The following RTN4 variants were observed in gnomAD, a reference collection of about 807,000 sequenced individuals.
The protein encoded by RTN4 is reticulon 4.
In RTN4, 32 loss-of-function variants were observed where a neutral mutation model predicts 90.4. That is an observed-to-expected ratio of 0.35 (90% CI 0.27 to 0.48). The LOEUF (loss-of-function observed/expected upper bound fraction) is 0.48, where lower values mean the gene tolerates loss of function less well. Ranked by LOEUF, RTN4 falls within the 20% of genes least tolerant of loss-of-function variation. The pLI is 0.99. For missense variants in RTN4, 1,706 were observed against 1,430.2 expected (o/e 1.19, Z -3.11); for synonymous variants, 629 against 552.5 (o/e 1.14, Z -1.94).
the RTN4 span, among the ~76,000 whole-genome samples, chr2:55,128,873 G>A: frequency 2.0e-5 from 3 of 151,968 alleles, no homozygotes; most frequent in East Asian, 1.9e-4. Flanking sequence ...TTGGAAGGCC[G>A]AGATGGGTGG....
chr2:55,023,988 G>A (rs184740129), intron 3 of RTN4, among the ~76,000 whole-genome samples: 178 of 152,226 alleles, frequency 1.2e-3, no homozygotes, highest in African/African-American at 4.2e-3. Flanking sequence ...GACACATACA[G>A]CCAAGATCTC....
chr2:55,076,843 G>A (rs370115349), intron 2 of RTN4, among the ~76,000 whole-genome samples: 16 of 152,028 alleles, frequency 1.1e-4, no homozygotes, highest in South Asian at 4.2e-4. Flanking sequence ...TTTTAAAAGG[G>A]GCTTTTCTCC....
At chr2:55,004,134 G>T (rs2104760858) in intron 3 of RTN4, among the ~76,000 whole-genome samples, 1 of 152,266 alleles carries the variant, frequency 6.6e-6, no homozygotes. Context: ...GACAATACCT[G>T]TACTAAATGA....
At chr2:55,000,647 C>T (rs1426586696) in intron 3 of RTN4, among the ~76,000 whole-genome samples, 1 of 152,100 alleles carries the variant, frequency 6.6e-6, no homozygotes, top group Non-Finnish European at 1.5e-5. Context: ...TGTATTTGTA[C>T]ATTTGTAATG....
chr2:55,075,761 G>A (rs1012416910), intron 2 of RTN4, among the ~76,000 whole-genome samples: 3 of 152,290 alleles, frequency 2.0e-5, no homozygotes, highest in African/African-American at 7.2e-5. Context: ...CAATGGAACA[G>A]AATGGAGAAC....
At chr2:55,128,904 C>T in the RTN4 span, among the ~76,000 whole-genome samples, 2 of 151,418 alleles carry the variant, frequency 1.3e-5, no homozygotes, top group East Asian at 3.9e-4. Context: ...GTCAGGAGTT[C>T]GAGACCAGCC....
chr2:55,049,476 G>T (rs1244095340), intron 1 of RTN4: 3 of 497,768 alleles, frequency 6.0e-6, no homozygotes, highest in Non-Finnish European at 1.1e-5. Context: ...GAATCCGTAC[G>T]CTGGGCATCA....
chr2:55,107,571 T>C (rs1667965861), intron 1 of RTN4, among the ~76,000 whole-genome samples: 1 of 151,944 alleles, frequency 6.6e-6, no homozygotes, highest in Non-Finnish European at 1.5e-5. Context: ...TGGCTAGGAA[T>C]CCAAAGAAGC....
At chr2:54,983,321 T>TAATAAATA (rs142672156) in intron 4 of RTN4, among the ~76,000 whole-genome samples, 4,587 of 148,192 alleles carry the variant, frequency 0.031, 175 homozygotes, top group African/African-American at 0.091. Context: ...ATTGTATTGG[T>TAATAAATA]AATAAATAAA....
chr2:55,103,947 G>A (rs1448867949), intron 1 of RTN4, among the ~76,000 whole-genome samples: 3 of 151,878 alleles, frequency 2.0e-5, no homozygotes, highest in Non-Finnish European at 4.4e-5. Flanking sequence ...CACCAACCTC[G>A]GCCTCCCGAA....
intron 3 of RTN4, among the ~76,000 whole-genome samples, chr2:55,013,306 T>A (rs1408162222): frequency 6.6e-6 from 1 of 152,084 alleles, no homozygotes; most frequent in Non-Finnish European, 1.5e-5. Context: ...TTCCCACTCC[T>A]CAATGTCCAT....
chr2:55,120,723 G>A, the RTN4 span, among the ~76,000 whole-genome samples: 2 of 152,094 alleles, frequency 1.3e-5, no homozygotes, highest in African/African-American at 2.4e-5. Flanking sequence ...TTAGAGCAAC[G>A]GGGAAGGAGA....
intron 3 of RTN4, among the ~76,000 whole-genome samples, chr2:55,017,878 A>G (rs768309984): frequency 6.6e-6 from 1 of 152,202 alleles, no homozygotes; most frequent in East Asian, 1.9e-4. Flanking sequence ...CACAACAGAT[A>G]TATGATAAAA....
the RTN4 span, among the ~76,000 whole-genome samples, chr2:55,125,618 T>G: frequency 6.6e-6 from 1 of 151,864 alleles, no homozygotes; most frequent in Non-Finnish European, 1.5e-5. Flanking sequence ...ATACAAAAAT[T>G]AGGTGGGCAC....
intron 2 of RTN4, among the ~76,000 whole-genome samples, chr2:55,057,595 A>G (rs1449814792): frequency 1.3e-5 from 2 of 152,224 alleles, no homozygotes; most frequent in African/African-American, 4.8e-5. Context: ...TTAAGACTTG[A>G]TAAGTCACTC....
upstream of RTN4, among the ~76,000 whole-genome samples, chr2:55,053,174 G>A (rs974989554): frequency 6.6e-6 from 1 of 152,130 alleles, no homozygotes. Context: ...TAAAGAGTTT[G>A]CCCAGCTTTC....
intron 1 of RTN4, among the ~76,000 whole-genome samples, chr2:55,098,785 AT>A (rs1667797907): frequency 6.6e-6 from 1 of 152,046 alleles, no homozygotes; most frequent in Non-Finnish European, 1.5e-5. Flanking sequence ...CGAATTATTT[AT>A]TGACGAAATC....
chr2:55,110,201 C>T (rs1235440843), intron 1 of RTN4, among the ~76,000 whole-genome samples: 1 of 150,986 alleles, frequency 6.6e-6, no homozygotes, highest in Non-Finnish European at 1.5e-5. Flanking sequence ...GTCCCAGCTA[C>T]GTGTGAGGCT....
Position 55,045,153 on chromosome 2 carries a change from A to C in RTN4, c.556+4592T>G, listed in dbSNP as rs530718421. On this transcript the variant is annotated intron_variant, in intron 1 of 8. Transcript: ENST00000337526. The stretch of plus-strand genomic sequence containing the variant: ...TGATAGTAAAAACTAGTAATTTTTA[A>C]GCCCCAACCCATAATCTGTATTTAT... Among the ~76,000 whole-genome samples the C allele has an allele frequency of 1.4e-4, 21 of 152,364 alleles. 1 individual carries two copies. In the South Asian group the frequency reaches 4.3e-3, roughly 32 times the overall value.
Sources: allele counts gnomAD v4.1 joint callset (sites outside exome capture counted in the v4.1 genomes callset), GRCh38; gene constraint gnomAD v4.1.1; transcripts MANE v1.5; gene names NCBI Gene and HGNC (gene_info 2026-07-23, HGNC 2026-07-21).